TMEM63A: variants seen among roughly 807,000 people sequenced by gnomAD.
TMEM63A encodes transmembrane protein 63A.
TMEM63A carries 76 observed loss-of-function variants against 100.6 expected under a neutral mutation model. The observed-to-expected ratio is 0.76, with a 90% CI of 0.63 to 0.91. The LOEUF is 0.91. Ranked by LOEUF, TMEM63A falls within the 40% of genes least tolerant of loss-of-function variation. The pLI is 0.00. For synonymous variants in TMEM63A, 401 were observed against 401.1 expected (o/e 1.00, Z 0.00); for missense variants, 876 against 1,008.8 (o/e 0.87, Z 1.78).
downstream of TMEM63A, among the ~76,000 whole-genome samples, chr1:225,843,429 A>G (rs1668603457): frequency 1.3e-5 from 2 of 152,212 alleles, no homozygotes; most frequent in African/African-American, 4.8e-5. Flanking sequence ...TCCTGCAGGC[A>G]GGTCCTCACC....
intron 1 of TMEM63A, among the ~76,000 whole-genome samples, chr1:225,881,989 G>A (rs1671113599): frequency 6.6e-6 from 1 of 152,220 alleles, no homozygotes. Context: ...TCCTAGTTAG[G>A]TGGGAGGTCG....
chr1:225,850,726 G>GT (rs560580478), intron 20 of TMEM63A, among the ~76,000 whole-genome samples: 9 of 152,176 alleles, frequency 5.9e-5, no homozygotes, highest in Non-Finnish European at 8.8e-5. Context: ...CTGTCTGTCT[G>GT]TTTTTTTGAG....
At chr1:225,866,309 T>C in intron 9 of TMEM63A, 1 of 521,454 alleles carries the variant, frequency 1.9e-6, no homozygotes. Context: ...CCTGTGAAGC[T>C]GTGGGCGGCA....
downstream of TMEM63A, among the ~76,000 whole-genome samples, chr1:225,843,080 G>C (rs1423958220): frequency 6.6e-6 from 1 of 152,206 alleles, no homozygotes; most frequent in Non-Finnish European, 1.5e-5. Flanking sequence ...TCCTGCCTTG[G>C]GGGTAGGGAC....
chr1:225,875,512 A>G (rs1670737633), intron 3 of TMEM63A, among the ~76,000 whole-genome samples: 1 of 152,182 alleles, frequency 6.6e-6, no homozygotes, highest in Non-Finnish European at 1.5e-5. Context: ...AATCCAGAAG[A>G]CCTGAACCCC....
chr1:225,867,960 A>G lies in TMEM63A; in HGVS notation c.442T>C (p.Phe148Leu). Reference protein sequence around the residue: ...HYLSFQRHIIFLLVVVSFLSL... With the variant: ...HYLSFQRHIILLLVVVSFLSL... ...AAAAAGCTGACCACCACCAACAGGA[A>G]GATGATGTGCCTCTGGAAGGACAGG... is the stretch of plus-strand genomic sequence containing the variant. The change falls in exon 7 of 25, where the codon TTC becomes CTC. Residue 148 changes from phenylalanine to leucine, a missense_variant. Phe to Leu is a conservative substitution (Grantham distance 22). Coordinates refer to ENST00000366835, the MANE Select transcript of TMEM63A (RefSeq NM_014698.3). This position sits in a 1 kb window ranked among gnomAD's most constrained non-coding sequence, Gnocchi z 4.6. 1 of 1,614,234 alleles carries G rather than the reference A, an allele frequency of 6.2e-7. No homozygotes were observed. Among genetic ancestry groups the G allele is most frequent in the Non-Finnish European group, 8.5e-7 (1 of 1,180,040 alleles).
At chr1:225,868,112 C>A in intron 6 of TMEM63A, 82 bp from the exon 7 acceptor site, 1 of 1,546,576 alleles carries the variant, frequency 6.5e-7, no homozygotes, top group Non-Finnish European at 8.8e-7. Flanking sequence ...TCATCCTCAC[C>A]ACACTCTTAT....
At chr1:225,845,094 G>A (rs538587521), downstream of TMEM63A, 41 of 1,596,058 alleles carry the variant, frequency 2.6e-5, no homozygotes, top group East Asian at 4.5e-4. Context: ...TGTGCAGGAC[G>A]GAGGGGCGCA....
intron 6 of TMEM63A, among the ~76,000 whole-genome samples, chr1:225,869,280 C>A (rs1670374504): frequency 6.6e-6 from 1 of 152,232 alleles, no homozygotes; most frequent in African/African-American, 2.4e-5. Context: ...TCAGCAGATG[C>A]TCAGAAATAT....
intron 14 of TMEM63A, chr1:225,860,155 T>C (rs1669864972): frequency 6.5e-6 from 1 of 152,702 alleles, no homozygotes; most frequent in Non-Finnish European, 1.5e-5. Flanking sequence ...AGAGCAAAAC[T>C]GTCAGAGGCA....
intron 4 of TMEM63A, among the ~76,000 whole-genome samples, chr1:225,873,362 G>A (rs1399106930): frequency 6.6e-6 from 1 of 152,126 alleles, no homozygotes; most frequent in Non-Finnish European, 1.5e-5. Flanking sequence ...GGGATCACGG[G>A]GAAAGATGGT....
chr1:225,882,341 G>T lies in TMEM63A; in HGVS notation c.-243C>A, dbSNP rs1005639286. The T allele has an allele frequency of 2.6e-5, 4 of 152,674 alleles. No individual in the cohort carries two copies. Among genetic ancestry groups the T allele is most frequent in the African/African-American group, 7.2e-5 (3 of 41,480 alleles). The allele number at this position is 152,674 out of a possible 1,614,324, so 9.5% of individuals were successfully genotyped here. A position where few individuals can be genotyped will look rare whatever the true frequency, so the allele number is the denominator to read the frequency against. On this transcript the variant is annotated 5_prime_UTR_variant, in exon 1 of 25. Transcript: ENST00000366835. Reference sequence around the variant, plus strand: ...CGTGTCTGGCGGGACCCAGCAGCGCGGGGCGTGTTCCGACCACTTAAAAGT... The same window carrying T: ...CGTGTCTGGCGGGACCCAGCAGCGCTGGGCGTGTTCCGACCACTTAAAAGT...
Position 225,867,216 on chromosome 1 carries a change from G to A in TMEM63A, c.515-53C>T. 3 of 1,586,166 alleles carry A rather than the reference G, an allele frequency of 1.9e-6. No homozygotes were observed. Among genetic ancestry groups the A allele is most frequent in the Non-Finnish European group, 2.6e-6 (3 of 1,154,672 alleles). On this transcript the variant is annotated intron_variant, in intron 7 of 24. Coordinates refer to ENST00000366835, the MANE Select transcript of TMEM63A (RefSeq NM_014698.3). This position sits in a 1 kb window ranked among gnomAD's most constrained non-coding sequence, Gnocchi z 4.6. ...CAGGGTCATGTGGGGAAGCAGGAGG[G>A]GGCGTAACCAATCAGCCTTGGTTTG...
intron 10 of TMEM63A, chr1:225,864,686 A>T (rs1249742629): frequency 6.6e-6 from 1 of 152,248 alleles, no homozygotes; most frequent in Non-Finnish European, 1.5e-5. Context: ...GTTTCTGAAG[A>T]AGTTTTTCAA....
intron 18 of TMEM63A, among the ~76,000 whole-genome samples, chr1:225,854,893 G>A (rs1357768832): frequency 6.6e-6 from 1 of 152,220 alleles, no homozygotes; most frequent in Non-Finnish European, 1.5e-5. Context: ...ACAAGAGGAT[G>A]CTGCGAGATG....
intron 1 of TMEM63A, among the ~76,000 whole-genome samples, chr1:225,881,960 G>A (rs1032793458): frequency 6.6e-6 from 1 of 152,186 alleles, no homozygotes; most frequent in Admixed American, 6.5e-5. Context: ...TATAGGGTCC[G>A]AGGAGCCCAT....
intron 4 of TMEM63A, 40 bp from the exon 5 acceptor site, chr1:225,872,093 AG>A: frequency 2.8e-6 from 4 of 1,440,128 alleles, no homozygotes; most frequent in Non-Finnish European, 3.8e-6. Context: ...GATAATTCTT[AG>A]AAAAAAAAAA....
In TMEM63A at chr1:225,856,591, G is replaced by A. The variant is rs1300067754; in HGVS notation, c.1571+61C>T. The A allele has an allele frequency of 2.6e-6, 4 of 1,558,990 alleles. 1 individual carries two copies. In the Admixed American group the frequency reaches 7.0e-5, roughly 27 times the overall value. On this transcript the variant is annotated intron_variant, in intron 17 of 24. Transcript: ENST00000366835. Reference sequence around the variant, plus strand: ...GCCAAACCGTTTGCATTCTCCTGGGGACAGTGCTCTCCTGATGTGACTCTT... The same window carrying A: ...GCCAAACCGTTTGCATTCTCCTGGGAACAGTGCTCTCCTGATGTGACTCTT...
chr1:225,848,501 T>TG lies in TMEM63A; in HGVS notation c.2240dup (p.Pro748ThrfsTer164), dbSNP rs1669139061. On this transcript the variant is annotated frameshift_variant, in exon 23 of 25. Transcript: ENST00000366835. LOFTEE classifies it high-confidence loss of function. ...GAGGGGCACAGCTTACTGTGAACGG[T>TG]GGGGGCATGTGGGCCTCTGCCTCAC... 6.2e-7 allele frequency: 1 copy of TG among 1,614,068 alleles called. No homozygotes were observed. Among genetic ancestry groups the TG allele is most frequent in the Non-Finnish European group, 8.5e-7 (1 of 1,180,012 alleles).
Sources: gnomAD v4.1 joint callset for allele counts (sites outside exome capture counted in the v4.1 genomes callset) on GRCh38, gnomAD v4.1.1 for gene constraint, Gnocchi (gnomAD v3.1) non-coding constraint, MANE v1.5 for transcripts, NCBI Gene and HGNC (gene_info 2026-07-23, HGNC 2026-07-21) for gene names.